The following CSNK2A1 variants were observed in gnomAD, a reference collection of about 807,000 sequenced individuals.
The protein encoded by CSNK2A1 is casein kinase II subunit alpha.
CSNK2A1 carries 10 observed loss-of-function variants against 62.9 expected under a neutral mutation model. That is an observed-to-expected ratio of 0.16 (90% confidence interval 0.10 to 0.27). CSNK2A1 has a LOEUF of 0.27. Among genes scored for constraint, CSNK2A1 ranks in the 10% least tolerant of loss-of-function variants. The pLI is 1.00. For synonymous variants in CSNK2A1, 124 were observed against 167.8 expected, an observed-to-expected ratio of 0.74 and a Z score of 2.02; for missense variants, 160 against 492.0, an observed-to-expected ratio of 0.33 and a Z score of 6.38.
rs1325011877 is a variant in CSNK2A1, at chr20:497,786, A to G, written c.367-6T>C. ...GTTAACGTCTGGTACAATTGCTGTT[A>G]AAGACAAATGTTTGAGCCATGAAAT... On this transcript the variant is annotated splice_polypyrimidine_tract_variant and splice_region_variant and intron_variant, in intron 6 of 13. Transcript: ENST00000217244. 4.3e-6 allele frequency: 7 copies of G among 1,611,780 alleles called. No homozygotes were observed. Among genetic ancestry groups the G allele is most frequent in the Non-Finnish European group, 5.9e-6 (7 of 1,178,576 alleles).
At chr20:507,753 T>A (rs2018635048) in intron 3 of CSNK2A1, 1 of 152,240 alleles carries the variant, frequency 6.6e-6, no homozygotes, top group African/African-American at 2.4e-5. Context: ...ATACTTTATA[T>A]AAGACTTTGG....
In CSNK2A1 at chr20:499,707, ATTAAGCAC is replaced by A. The variant is rs1209867573; in HGVS notation, c.315+118_315+125del. On this transcript the variant is annotated intron_variant, in intron 5 of 13. Transcript: ENST00000217244. The surrounding 1 kb of genome is among the most constrained non-coding windows in gnomAD (Gnocchi z 4.2). ...CCAAGCTAGTTAAATGGTATATCTG[ATTAAGCAC>A]TTTCAAAGCAGGACTTAATGATGAG... 2.3e-6 allele frequency: 2 copies of A among 858,472 alleles called. No individual in the cohort carries two copies. Among genetic ancestry groups the A allele is most frequent in the East Asian group, 4.8e-5 (2 of 41,256 alleles). The allele number at this position is 858,472 out of a possible 1,614,324, so 53.2% of individuals were successfully genotyped here. A position where few individuals can be genotyped will look rare whatever the true frequency, so the allele number is the denominator to read the frequency against.
chr20:473,061 T>C lies in CSNK2A1; in HGVS notation c.*10900A>G, dbSNP rs1467272215. ...CTAGGTTTGAGGTTTATTGTTGCTA[T>C]GGTTACCCCCAATGCAGCAGCTTCC... On this transcript the variant is annotated 3_prime_UTR_variant, in exon 14 of 14. Coordinates refer to ENST00000217244, the MANE Select transcript of CSNK2A1 (RefSeq NM_177559.3). The C allele has an allele frequency of 1.3e-5, 2 of 152,370 alleles. No individual in the cohort carries two copies. Among genetic ancestry groups the C allele is most frequent in the Non-Finnish European group, 2.9e-5 (2 of 68,158 alleles). The allele number at this position is 152,370 out of a possible 1,614,324, so 9.4% of individuals were successfully genotyped here.
intron 1 of CSNK2A1, 174 bp downstream of exon 1, chr20:543,498 G>T (rs1306454103): frequency 7.7e-6 from 3 of 389,758 alleles, no homozygotes; most frequent in Non-Finnish European, 1.4e-5. Flanking sequence ...TGGCCCCTGG[G>T]CCTCCCCGAT....
intron 4 of CSNK2A1, chr20:502,058 C>T (rs138492381): frequency 6.6e-6 from 1 of 152,278 alleles, no homozygotes; most frequent in African/African-American, 2.4e-5. Context: ...GTGCAGTGTT[C>T]AGAAAAGCAT....
rs764170352 is a variant in CSNK2A1, at chr20:488,821, A to G, written c.724-43T>C. 2.8e-5 allele frequency: 43 copies of G among 1,521,886 alleles called. No homozygotes were observed. In the Admixed American group the frequency reaches 8.0e-4, roughly 28 times the overall value. The allele number at this position is 1,521,886 out of a possible 1,614,324, so 94.3% of individuals were successfully genotyped here. ...CAAAAACCCATATCACAAGCATATT[A>G]TATTAACAAATCAACAATTAACAAT... On this transcript the variant is annotated intron_variant, in intron 10 of 13. Transcript: ENST00000217244.
At chr20:509,951 A>G (rs552169376) in intron 2 of CSNK2A1, among the ~76,000 whole-genome samples, 2 of 152,316 alleles carry the variant, frequency 1.3e-5, no homozygotes, top group South Asian at 2.1e-4. Flanking sequence ...AAGGGGTACT[A>G]TACTTCTAAA....
At chr20:524,937 G>C (rs1286629363) in intron 2 of CSNK2A1, among the ~76,000 whole-genome samples, 1 of 151,906 alleles carries the variant, frequency 6.6e-6, no homozygotes, top group East Asian at 1.9e-4. Context: ...AACACAGCAA[G>C]ACTACCATCT....
rs2017993693 is a variant in CSNK2A1, at chr20:483,354, T to G, written c.*607A>C. On this transcript the variant is annotated 3_prime_UTR_variant, in exon 14 of 14. Coordinates refer to ENST00000217244, the MANE Select transcript of CSNK2A1 (RefSeq NM_177559.3). ...TTTGGGTAGATTTTCAACATCTTGA[T>G]GTAACTAAGACACACTTCCACAAGA... 1 of 152,224 alleles carries G rather than the reference T, an allele frequency of 6.6e-6. No individual in the cohort carries two copies. Among genetic ancestry groups the G allele is most frequent in the African/African-American group, 2.4e-5 (1 of 41,434 alleles). 9.4% of individuals were successfully genotyped at this position (152,224 alleles called of 1,614,324 possible).
At chr20:525,983 C>A (rs971339274) in intron 2 of CSNK2A1, among the ~76,000 whole-genome samples, 4 of 151,804 alleles carry the variant, frequency 2.6e-5, no homozygotes, top group Non-Finnish European at 4.4e-5. Context: ...CTAGCCTGGG[C>A]GACATAGCAA....
rs967386341 is a variant in CSNK2A1, at chr20:543,654, T to C, written c.-227+18A>G. 36 of 397,886 alleles carry C rather than the reference T, an allele frequency of 9.0e-5. No individual in the cohort carries two copies. The highest frequency in any genetic ancestry group is 1.2e-3 in the Middle Eastern group (2 of 1,610). 24.6% of individuals were successfully genotyped at this position (397,886 alleles called of 1,614,324 possible). A position where few individuals can be genotyped will look rare whatever the true frequency, so the allele number is the denominator to read the frequency against. On this transcript the variant is annotated intron_variant, in intron 1 of 13. Transcript: ENST00000217244. ...CACCCCACCCGCCAACGACCTCGCC[T>C]GGCTGCTCCCTAGGTACCTGTGGTG...
chr20:508,839 G>A (rs776046949), intron 2 of CSNK2A1, among the ~76,000 whole-genome samples, 179 bp from the exon 3 acceptor site: 1 of 152,102 alleles, frequency 6.6e-6, no homozygotes, highest in Non-Finnish European at 1.5e-5. Flanking sequence ...AAAATCCCAA[G>A]AAATACAGTA....
chr20:501,717 C>T (rs1346272022), intron 4 of CSNK2A1: 2 of 152,122 alleles, frequency 1.3e-5, no homozygotes, highest in East Asian at 3.9e-4. Context: ...TCACCTCAGA[C>T]TAGATGCACT....
At chr20:492,037 C>T (rs1380162486) in intron 9 of CSNK2A1, among the ~76,000 whole-genome samples, 2 of 152,150 alleles carry the variant, frequency 1.3e-5, no homozygotes, top group African/African-American at 4.8e-5. Flanking sequence ...CAAATGCAAA[C>T]CTATTCATAT....
intron 2 of CSNK2A1, among the ~76,000 whole-genome samples, chr20:519,740 G>C (rs750212234): frequency 4.3e-4 from 65 of 151,732 alleles, no homozygotes; most frequent in Non-Finnish European, 8.8e-4. Context: ...AAAGAAAAAA[G>C]AAAAATAATC....
chr20:540,289 A>C (rs945796632), intron 1 of CSNK2A1, among the ~76,000 whole-genome samples: 3 of 152,232 alleles, frequency 2.0e-5, no homozygotes, highest in Non-Finnish European at 2.9e-5. Context: ...ACTCCATTAA[A>C]GTTCACATTC....
chr20:501,923 G>C (rs543737455), intron 4 of CSNK2A1: 1 of 152,180 alleles, frequency 6.6e-6, no homozygotes, highest in South Asian at 2.1e-4. Flanking sequence ...TGATGATCCA[G>C]GTCCAGAAAC....
At chr20:501,415 A>C (rs939258397) in intron 4 of CSNK2A1, 10 of 152,254 alleles carry the variant, frequency 6.6e-5, no homozygotes, top group Non-Finnish European at 8.8e-5. Flanking sequence ...GGCCCAAAGG[A>C]AATATAATAC....
chr20:499,954 T>G lies in CSNK2A1; in HGVS notation c.214-20A>C, dbSNP rs746280094. 8.1e-7 allele frequency: 1 copy of G among 1,239,256 alleles called. No individual in the cohort carries two copies. 76.8% of individuals were successfully genotyped at this position (1,239,256 alleles called of 1,614,324 possible). A position where few individuals can be genotyped will look rare whatever the true frequency, so the allele number is the denominator to read the frequency against. On this transcript the variant is annotated intron_variant, in intron 4 of 13. Transcript: ENST00000217244. The surrounding 1 kb of genome is among the most constrained non-coding windows in gnomAD (Gnocchi z 4.2). ...TACTGGCTGAAAGGGGAAAAGTACATCAGCAAAAAAAAAAAAAAAAAATTT... is the reference window on the plus strand; with the variant it reads ...TACTGGCTGAAAGGGGAAAAGTACAGCAGCAAAAAAAAAAAAAAAAAATTT...
Sources: allele counts gnomAD v4.1 joint callset (sites outside exome capture counted in the v4.1 genomes callset), GRCh38; gene constraint gnomAD v4.1.1; non-coding constraint Gnocchi (gnomAD v3.1); transcripts MANE v1.5; gene names NCBI Gene and HGNC (gene_info 2026-07-23, HGNC 2026-07-21).